Variants in SMYD3 observed in about 807,000 individuals in gnomAD.
SMYD3 encodes the protein histone-lysine N-methyltransferase SMYD3.
In SMYD3, 36 loss-of-function variants were observed where a neutral mutation model predicts 57.7. That is an observed-to-expected ratio of 0.62 (90% CI 0.48 to 0.82). The LOEUF (loss-of-function observed/expected upper bound fraction) is 0.82. SMYD3 is among the 40% of genes least tolerant of loss of function. The pLI is 0.00. For synonymous variants in SMYD3, 211 were observed against 195.0 expected (o/e 1.08, Z -0.68); for missense variants, 515 against 538.8 (o/e 0.96, Z 0.44).
intron 5 of SMYD3, among the ~76,000 whole-genome samples, chr1:245,977,419 C>T (rs2058475321): frequency 2.0e-5 from 3 of 152,178 alleles, no homozygotes; most frequent in Non-Finnish European, 2.9e-5. Context: ...TGGCTCACAC[C>T]TGTAATCCCA....
chr1:245,997,010 C>T (rs539286658), intron 5 of SMYD3, among the ~76,000 whole-genome samples: 1 of 152,238 alleles, frequency 6.6e-6, no homozygotes, highest in South Asian at 2.1e-4. Flanking sequence ...AACACCATGA[C>T]GTCTGTGTCT....
rs142259785 is a variant in SMYD3, at chr1:246,372,482, T to C, written c.165-17388A>G. Among the ~76,000 whole-genome samples, 391 of 152,354 alleles carry C rather than the reference T, an allele frequency of 2.6e-3. 2 individuals carry two copies. The highest frequency in any genetic ancestry group is 4.4e-3 in the Non-Finnish European group (297 of 68,040). On this transcript the variant is annotated intron_variant, in intron 1 of 11. Transcript: ENST00000490107. ...ACAAGTCATTTGCACTTAGTATGAA[T>C]TAATTTATTCAGATAATCTTACTTC...
intron 5 of SMYD3, among the ~76,000 whole-genome samples, chr1:245,954,587 G>T (rs1343096588): frequency 6.6e-6 from 1 of 152,172 alleles, no homozygotes. Flanking sequence ...GAGGTGGAAG[G>T]CTCGCTTGAG....
At chr1:246,443,227 A>G (rs923777998) in intron 1 of SMYD3, among the ~76,000 whole-genome samples, 2 of 152,174 alleles carry the variant, frequency 1.3e-5, no homozygotes, top group Admixed American at 6.5e-5. Context: ...AATGTGTTAA[A>G]CCCTATTTAA....
At chr1:245,880,736 C>T (rs2052736880) in intron 8 of SMYD3, among the ~76,000 whole-genome samples, 1 of 152,188 alleles carries the variant, frequency 6.6e-6, no homozygotes, top group Admixed American at 6.5e-5. Flanking sequence ...TGCTACACCA[C>T]ACTGCCTCAA....
chr1:246,191,249 G>A (rs1414084283), intron 5 of SMYD3, among the ~76,000 whole-genome samples: 1 of 152,192 alleles, frequency 6.6e-6, no homozygotes, highest in Non-Finnish European at 1.5e-5. Context: ...ATGTGGTTTT[G>A]AGATTCTTTG....
At chr1:246,452,330 A>C (rs1053754368) in intron 1 of SMYD3, among the ~76,000 whole-genome samples, 4 of 152,056 alleles carry the variant, frequency 2.6e-5, no homozygotes, top group African/African-American at 9.7e-5. Context: ...ACATGGCAGA[A>C]CCTTGTCTCT....
intron 5 of SMYD3, among the ~76,000 whole-genome samples, chr1:246,209,560 T>A (rs1009033107): frequency 1.5e-4 from 23 of 149,114 alleles, no homozygotes; most frequent in African/African-American, 5.8e-4. Context: ...GACAGACCAC[T>A]GAAATATTAT....
At chr1:246,352,703 T>TA (rs2065850739) in intron 2 of SMYD3, among the ~76,000 whole-genome samples, 1 of 152,188 alleles carries the variant, frequency 6.6e-6, no homozygotes, top group Non-Finnish European at 1.5e-5. Flanking sequence ...ACACATGCAC[T>TA]ACAGGTAATC....
chr1:246,105,138 C>T (rs1470113265), intron 5 of SMYD3, among the ~76,000 whole-genome samples: 1 of 152,064 alleles, frequency 6.6e-6, no homozygotes. Context: ...ACACATCACC[C>T]GATGGGGGAT....
chr1:246,444,127 A>ATTTT (rs371124808), intron 1 of SMYD3, among the ~76,000 whole-genome samples: 6 of 142,724 alleles, frequency 4.2e-5, no homozygotes, highest in African/African-American at 1.6e-4. Flanking sequence ...GAACCTAAGA[A>ATTTT]TTTTTTTTTT....
At chr1:246,267,065 T>C (rs2064123838) in intron 5 of SMYD3, among the ~76,000 whole-genome samples, 1 of 152,198 alleles carries the variant, frequency 6.6e-6, no homozygotes, top group Non-Finnish European at 1.5e-5. Flanking sequence ...AGAATATGTA[T>C]CTAGTACTGG....
chr1:246,451,722 A>G (rs528026800), intron 1 of SMYD3, among the ~76,000 whole-genome samples: 7 of 152,250 alleles, frequency 4.6e-5, no homozygotes, highest in African/African-American at 9.6e-5. Flanking sequence ...GAGGCTGTGC[A>G]TGTGTAGAGG....
chr1:246,476,254 G>A (rs1211224843), intron 1 of SMYD3, among the ~76,000 whole-genome samples: 1 of 152,144 alleles, frequency 6.6e-6, no homozygotes, highest in Non-Finnish European at 1.5e-5. Context: ...TACAGTTAAG[G>A]AAACTGAGAT....
intron 5 of SMYD3, among the ~76,000 whole-genome samples, chr1:246,088,566 T>TGC (rs2060766600): frequency 7.6e-6 from 1 of 131,564 alleles, no homozygotes; most frequent in Admixed American, 7.2e-5. Context: ...GCCGAGATCA[T>TGC]GCCACTGCAC....
intron 10 of SMYD3, among the ~76,000 whole-genome samples, chr1:245,813,076 G>A (rs1418322782): frequency 4.2e-5 from 6 of 143,200 alleles, no homozygotes; most frequent in Non-Finnish European, 7.5e-5. Context: ...GTGCAGTGGC[G>A]CGATCTCAGC....
chr1:246,083,559 G>C (rs2060678464), intron 5 of SMYD3, among the ~76,000 whole-genome samples: 1 of 127,158 alleles, frequency 7.9e-6, no homozygotes. Context: ...TTGTCTCTGT[G>C]TATCTTTCTT....
chr1:246,180,039 G>A lies in SMYD3; in HGVS notation c.531+147162C>T, dbSNP rs534638303. Among the ~76,000 whole-genome samples the A allele has an allele frequency of 7.2e-5, 11 of 152,004 alleles. No individual in the cohort carries two copies. In the East Asian group the frequency reaches 1.7e-3, roughly 24 times the overall value. ...AAGGAAACATGAGACCAGGTGTGGT[G>A]GCTCATGCCAATAACCCCAGCACTT... On this transcript the variant is annotated intron_variant, in intron 5 of 11. Coordinates refer to ENST00000490107, the MANE Select transcript of SMYD3 (RefSeq NM_001167740.2).
At chr1:245,827,279 G>A (rs1429939014) in intron 10 of SMYD3, among the ~76,000 whole-genome samples, 1 of 152,056 alleles carries the variant, frequency 6.6e-6, no homozygotes, top group African/African-American at 2.4e-5. Context: ...AATCTTTACT[G>A]CCTTCCAGTG....
Sources: gnomAD v4.1 joint callset for allele counts (sites outside exome capture counted in the v4.1 genomes callset) on GRCh38, gnomAD v4.1.1 for gene constraint, MANE v1.5 for transcripts, NCBI Gene and HGNC (gene_info 2026-07-23, HGNC 2026-07-21) for gene names.